Variants in DYNC1I1 observed in about 807,000 individuals in gnomAD.
DYNC1I1 encodes the protein cytoplasmic dynein 1 intermediate chain 1.
A neutral mutation model predicts 86.6 loss-of-function variants in DYNC1I1; 43 were observed. The ratio of observed to expected loss-of-function variants is 0.50; its 90% CI spans 0.39 to 0.64. DYNC1I1 has a LOEUF of 0.64. Ranked by LOEUF, DYNC1I1 falls within the 30% of genes least tolerant of loss-of-function variation. DYNC1I1 has a pLI of 0.00. For missense variants in DYNC1I1, 604 were observed against 788.8 expected, an observed-to-expected ratio of 0.77 and a Z score of 2.81; for synonymous variants, 262 against 283.7, an observed-to-expected ratio of 0.92 and a Z score of 0.77.
At chr7:96,010,941 A>T (rs1314801733) in intron 10 of DYNC1I1, among the ~76,000 whole-genome samples, 2 of 152,242 alleles carry the variant, frequency 1.3e-5, no homozygotes, top group East Asian at 3.8e-4. Flanking sequence ...GCTTAGCTAC[A>T]GCCATTATCT....
In DYNC1I1 at chr7:96,098,378, G is replaced by T. The variant is rs567657243; in HGVS notation, c.*785G>T. ...CTAACACAGTCTGACAAAAGTCTAT[G>T]GTTCCTAAATATGACATCAGTGTTG... is the stretch of plus-strand genomic sequence containing the variant. On this transcript the variant is annotated 3_prime_UTR_variant, in exon 17 of 17. Transcript: ENST00000447467. 1.0e-6 allele frequency: 1 copy of T among 985,558 alleles called. No individual in the cohort carries two copies. Among genetic ancestry groups the T allele is most frequent in the South Asian group, 4.7e-5 (1 of 21,284 alleles). 61.1% of individuals were successfully genotyped at this position (985,558 alleles called of 1,614,324 possible).
intron 10 of DYNC1I1, among the ~76,000 whole-genome samples, chr7:96,007,840 C>A (rs1794178866): frequency 6.6e-6 from 1 of 152,138 alleles, no homozygotes; most frequent in Non-Finnish European, 1.5e-5. Context: ...ATGCCAAGAC[C>A]TATATTAGAA....
intron 3 of DYNC1I1, 99 bp downstream of exon 3, chr7:95,810,605 T>A (rs913945343): frequency 2.0e-6 from 2 of 1,017,452 alleles, no homozygotes; most frequent in Non-Finnish European, 2.7e-6. Context: ...TAGTTTTTTT[T>A]AATTTTTATT....
intron 5 of DYNC1I1, among the ~76,000 whole-genome samples, chr7:95,857,759 T>G (rs1173958086): frequency 6.6e-6 from 1 of 152,224 alleles, no homozygotes. Context: ...GTAATTTTCC[T>G]CCACAATCAG....
chr7:95,977,593 T>C lies in DYNC1I1; in HGVS notation c.572T>C (p.Val191Ala). The change falls in exon 7 of 17, where the codon GTG (valine) becomes GCG (alanine). Residue 191 changes from valine (V) to alanine (A), a missense_variant. Coordinates refer to ENST00000447467, the MANE Select transcript of DYNC1I1 (RefSeq NM_001135556.2). ...GAAAATCAGGACAAAAAACAGGAAG[T>C]GAAGGAAGGTATGATATGGAAAATA... The part of the protein sequence containing the change: ...ELENQDKKQE[V>A]KEAPPRELTE... The C allele has an allele frequency of 6.2e-7, 1 of 1,612,550 alleles. No homozygotes were observed. Among genetic ancestry groups the C allele is most frequent in the Non-Finnish European group, 8.5e-7 (1 of 1,179,430 alleles).
intron 6 of DYNC1I1, among the ~76,000 whole-genome samples, chr7:95,906,616 T>C (rs530856919): frequency 6.6e-6 from 1 of 152,248 alleles, no homozygotes; most frequent in Non-Finnish European, 1.5e-5. Context: ...ATTAAAAGAT[T>C]GAGACTTAGT....
At chr7:96,058,023 T>C (rs1257179324) in intron 14 of DYNC1I1, among the ~76,000 whole-genome samples, 1 of 152,200 alleles carries the variant, frequency 6.6e-6, no homozygotes, top group Non-Finnish European at 1.5e-5. Context: ...TTATCACCTT[T>C]TTTTCACTCC....
At chr7:95,786,396 C>T (rs966533584) in intron 1 of DYNC1I1, among the ~76,000 whole-genome samples, 1 of 152,200 alleles carries the variant, frequency 6.6e-6, no homozygotes, top group Non-Finnish European at 1.5e-5. Context: ...CTTGCAAGCA[C>T]TCTTTAGTAC....
chr7:95,877,658 G>A (rs1363316066), intron 6 of DYNC1I1, among the ~76,000 whole-genome samples: 1 of 152,258 alleles, frequency 6.6e-6, no homozygotes, highest in East Asian at 1.9e-4. Flanking sequence ...TGTGCTAAAT[G>A]TGTAGACAAG....
At chr7:96,050,792 A>G (rs1452601787) in intron 14 of DYNC1I1, among the ~76,000 whole-genome samples, 1 of 152,114 alleles carries the variant, frequency 6.6e-6, no homozygotes, top group Non-Finnish European at 1.5e-5. Flanking sequence ...CTGCTTTAAT[A>G]ATGTTGATTA....
At chr7:96,094,579 A>G (rs1477185688) in intron 16 of DYNC1I1, among the ~76,000 whole-genome samples, 1 of 152,176 alleles carries the variant, frequency 6.6e-6, no homozygotes, top group Non-Finnish European at 1.5e-5. Context: ...CCTACAAGTA[A>G]TTCTAATGCC....
At chr7:95,935,325 A>T (rs920839966) in intron 6 of DYNC1I1, among the ~76,000 whole-genome samples, 1 of 152,090 alleles carries the variant, frequency 6.6e-6, no homozygotes, top group Non-Finnish European at 1.5e-5. Context: ...TTTAAGGCTG[A>T]ATAGTATTCC....
chr7:95,835,545 T>C (rs1789058979), intron 5 of DYNC1I1, among the ~76,000 whole-genome samples: 2 of 151,464 alleles, frequency 1.3e-5, no homozygotes, highest in Non-Finnish European at 3.0e-5. Context: ...TTCTGTCTCA[T>C]TGATCTGTCT....
At chr7:95,974,021 C>T (rs1269848404) in intron 6 of DYNC1I1, among the ~76,000 whole-genome samples, 1 of 152,150 alleles carries the variant, frequency 6.6e-6, no homozygotes, top group Non-Finnish European at 1.5e-5. Flanking sequence ...GTCTTATTTC[C>T]TCCAAGGTCT....
intron 9 of DYNC1I1, among the ~76,000 whole-genome samples, chr7:95,992,801 G>A (rs1370584316): frequency 4.6e-5 from 7 of 152,064 alleles, no homozygotes; most frequent in African/African-American, 1.7e-4. Context: ...TTTTAGTAGA[G>A]AAGGGGTTTC....
At chr7:95,779,904 G>C (rs918619368) in intron 1 of DYNC1I1, among the ~76,000 whole-genome samples, 4 of 152,168 alleles carry the variant, frequency 2.6e-5, no homozygotes, top group African/African-American at 9.7e-5. Context: ...TTGCTTTCCT[G>C]AATCAGGATC....
At chr7:96,108,811 A>C (rs1791260343) in intron 16 of DYNC1I1, among the ~76,000 whole-genome samples, 1 of 151,402 alleles carries the variant, frequency 6.6e-6, no homozygotes. Context: ...CAGTGAGCCA[A>C]GATCGCACCA....
intron 4 of DYNC1I1, among the ~76,000 whole-genome samples, chr7:95,814,731 A>G (rs1794909669): frequency 6.6e-6 from 1 of 152,000 alleles, no homozygotes; most frequent in Non-Finnish European, 1.5e-5. Context: ...TGTCCTTCAG[A>G]CTTGAATATT....
intron 7 of DYNC1I1, among the ~76,000 whole-genome samples, chr7:95,979,967 A>G (rs73708441): frequency 1.4e-3 from 210 of 152,248 alleles, no homozygotes; most frequent in African/African-American, 5.0e-3. Flanking sequence ...ACCCTTTGCA[A>G]AATATTCTTA....
Sources: gnomAD v4.1 joint callset for allele counts (sites outside exome capture counted in the v4.1 genomes callset) on GRCh38, gnomAD v4.1.1 for gene constraint, MANE v1.5 for transcripts, NCBI Gene and HGNC (gene_info 2026-07-23, HGNC 2026-07-21) for gene names.